ITIH1: variants seen among roughly 807,000 people sequenced by gnomAD.
The protein encoded by ITIH1 is inter-alpha-trypsin inhibitor heavy chain 1.
A neutral mutation model predicts 104.6 loss-of-function variants in ITIH1; 94 were observed. That is an observed-to-expected ratio of 0.90 (90% confidence interval 0.76 to 1.07). ITIH1 has a LOEUF of 1.07. Ranked by LOEUF, ITIH1 falls within the 50% of genes least tolerant of loss-of-function variation. The pLI, the probability that ITIH1 is intolerant of heterozygous loss-of-function variation, is 0.00. For missense variants in ITIH1, 1,193 were observed against 1,181.4 expected (o/e 1.01, Z -0.14); for synonymous variants, 455 against 464.4 (o/e 0.98, Z 0.26).
Position 52,791,921 on chromosome 3 carries a change from C to T in ITIH1, c.*10C>T. The T allele has an allele frequency of 6.2e-7, 1 of 1,607,324 alleles. No homozygotes were observed. Among genetic ancestry groups the T allele is most frequent in the Non-Finnish European group, 8.5e-7 (1 of 1,176,010 alleles). The stretch of plus-strand genomic sequence containing the variant: ...CCCCGACATCTTCTGAGCCCTCTGG[C>T]CAGCACGCCTGTCCTCCCCCGGGGC... On this transcript the variant is annotated 3_prime_UTR_variant, in exon 22 of 22. Transcript: ENST00000273283.
rs372463565 is a variant in ITIH1, at chr3:52,786,350, T to C, written c.1649T>C (p.Leu550Pro). 6.3e-7 allele frequency: 1 copy of C among 1,576,104 alleles called. No homozygotes were observed. ...CLVDEEEMKKLLRERGHMLEN... is the reference protein window; with the variant it reads ...CLVDEEEMKKPLRERGHMLEN... ...GTGGATGAGGAGGAGATGAAGAAAC[T>C]GCTCCGAGAGCGTGGCCACATGCTG... Residue 550 changes from leucine (L) to proline (P), a missense_variant, in exon 13 of 22, where the codon CTG (leucine) becomes CCG (proline). Coordinates refer to ENST00000273283, the MANE Select transcript of ITIH1 (RefSeq NM_002215.4).
Position 52,784,327 on chromosome 3 carries a change from C to G in ITIH1, c.1257C>G (p.Asn419Lys), listed in dbSNP as rs749790902. 6.2e-7 allele frequency: 1 copy of G among 1,614,002 alleles called. No homozygotes were observed. The highest frequency in any genetic ancestry group is 8.5e-7 in the Non-Finnish European group (1 of 1,179,934). ...CGGACCGTTCCCAAATCCTCAAGAA[C>G]GTCCGCAACGCCATCCGGGGCAGGT... ...GVTDRSQILK[N>K]VRNAIRGRFP... is the part of the protein sequence containing the mutation. The change falls in exon 11 of 22, where the codon AAC (asparagine) becomes AAG (lysine). Residue 419 changes from asparagine (N) to lysine (K), a missense_variant. Transcript: ENST00000273283.
chr3:52,785,356 C>T (rs903575339), intron 12 of ITIH1, 127 bp downstream of exon 12: 7 of 862,876 alleles, frequency 8.1e-6, no homozygotes, highest in Non-Finnish European at 1.1e-5. Context: ...CTCATCCCCA[C>T]CATGCCACAT....
rs754665677 is a variant in ITIH1 at position 52,791,937 on chromosome 3, C to T, written c.*26C>T. The T allele has an allele frequency of 1.3e-6, 2 of 1,597,412 alleles. No homozygotes were observed. The highest frequency in any genetic ancestry group is 1.7e-4 in the Middle Eastern group (1 of 5,868). On this transcript the variant is annotated 3_prime_UTR_variant, in exon 22 of 22. Transcript: ENST00000273283. ...GCCCTCTGGCCAGCACGCCTGTCCT[C>T]CCCCGGGGCCAAGGCAGAGGAGGAG...
chr3:52,784,185 G>A (rs1699138162), intron 10 of ITIH1, 111 bp from the exon 11 acceptor site: 3 of 929,140 alleles, frequency 3.2e-6, no homozygotes, highest in Non-Finnish European at 3.2e-6. Context: ...GGAGCCTGGA[G>A]ATGCTCTGAG....
chr3:52,788,803 C>T (rs565406732), intron 18 of ITIH1, among the ~76,000 whole-genome samples: 2 of 152,236 alleles, frequency 1.3e-5, no homozygotes, highest in African/African-American at 4.8e-5. Context: ...TCAGGTGATC[C>T]GTCCACCTCG....
intron 20 of ITIH1, among the ~76,000 whole-genome samples, 157 bp from the exon 21 acceptor site, chr3:52,791,360 A>G (rs918238128): frequency 2.6e-5 from 4 of 152,118 alleles, no homozygotes; most frequent in African/African-American, 9.7e-5. Context: ...AAGTGAACCA[A>G]AGGTAGCTTT....
At chr3:52,787,665 C>T (rs1283369464) in intron 16 of ITIH1, 53 bp downstream of exon 16, 1 of 1,591,070 alleles carries the variant, frequency 6.3e-7, no homozygotes, top group Non-Finnish European at 8.6e-7. Context: ...TTGATGATCA[C>T]CCCGTTGGCT....
intron 8 of ITIH1, among the ~76,000 whole-genome samples, chr3:52,782,675 G>C (rs1699094384): frequency 6.6e-6 from 1 of 152,180 alleles, no homozygotes; most frequent in Non-Finnish European, 1.5e-5. Context: ...GCTGGACAAG[G>C]AGTATTCTAG....
chr3:52,786,840 G>A, intron 13 of ITIH1, 105 bp from the exon 14 acceptor site: 4 of 347,458 alleles, frequency 1.2e-5, no homozygotes, highest in Non-Finnish European at 1.2e-5. Context: ...CTTATGTGTC[G>A]AATGAATGAA....
At position 52,779,686 on chromosome 3, in the gene ITIH1, C is replaced by A. The variant is rs142915173; in HGVS notation, c.573+92C>A. On this transcript the variant is annotated intron_variant, in intron 5 of 21. Coordinates refer to ENST00000273283, the MANE Select transcript of ITIH1 (RefSeq NM_002215.4). The surrounding 1 kb of genome is among the most constrained non-coding windows in gnomAD (Gnocchi z 4.4). ...TGAGCACCCACCATGTGTCACCACC[C>A]AGGCCTGAGAACACAGGGATGGGGA... The A allele has an allele frequency of 1.4e-6, 2 of 1,457,672 alleles. No individual in the cohort carries two copies. Among genetic ancestry groups the A allele is most frequent in the Non-Finnish European group, 1.9e-6 (2 of 1,039,872 alleles). The allele number at this position is 1,457,672 out of a possible 1,614,324, so 90.3% of individuals were successfully genotyped here.
intron 20 of ITIH1, 60 bp from the exon 21 acceptor site, chr3:52,791,457 A>T: frequency 7.3e-7 from 1 of 1,368,060 alleles, no homozygotes; most frequent in Non-Finnish European, 1.0e-6. Context: ...GCACCTGCTG[A>T]GTGCAGGGCA....
In ITIH1 at chr3:52,785,173, G is replaced by A. The variant is rs201320586; in HGVS notation, c.1537G>A (p.Gly513Arg). Residue 513 changes from glycine to arginine, a missense_variant, in exon 12 of 22, where the codon GGG (glycine) becomes AGG (arginine). Gly to Arg is a moderately radical substitution (Grantham distance 125). Transcript: ENST00000273283. Reference protein sequence around the residue: ...YYEGSEIVVAGRIADNKQSSF... With the variant: ...YYEGSEIVVARRIADNKQSSF... The stretch of plus-strand genomic sequence containing the variant: ...CGAAGGCTCAGAGATTGTGGTGGCC[G>A]GGCGCATTGCTGACAACAAACAGAG... 2.0e-4 allele frequency: 318 copies of A among 1,613,998 alleles called. No homozygotes were observed. Among genetic ancestry groups the A allele is most frequent in the Middle Eastern group, 1.6e-4 (1 of 6,082 alleles).
At position 52,778,946 on chromosome 3, in the gene ITIH1, G is replaced by A; in HGVS notation, c.310G>A (p.Ala104Thr). The A allele has an allele frequency of 5.6e-6, 9 of 1,611,106 alleles. No individual in the cohort carries two copies. The highest frequency in any genetic ancestry group is 7.6e-6 in the Non-Finnish European group (9 of 1,177,196). Residue 104 changes from alanine to threonine, a missense_variant, in exon 4 of 22, where the codon GCA becomes ACA. Ala to Thr is a moderately conservative substitution (Grantham distance 58). Coordinates refer to ENST00000273283, the MANE Select transcript of ITIH1 (RefSeq NM_002215.4). ...TAFISDFAVT[A>T]DGNAFIGDIK... Reference sequence around the variant, plus strand: ...GGTGTCCTTCCCTCCCTGCAGTACAGCAGATGGAAACGCATTTATCGGAGA... The same window carrying A: ...GGTGTCCTTCCCTCCCTGCAGTACAACAGATGGAAACGCATTTATCGGAGA...
chr3:52,777,791 C>T (rs1172916515), intron 1 of ITIH1, 59 bp downstream of exon 1: 17 of 1,473,870 alleles, frequency 1.2e-5, no homozygotes, highest in Admixed American at 1.8e-5. Flanking sequence ...AGGCCCCGGG[C>T]GGGACACAAG....
At position 52,778,385 on chromosome 3, in the gene ITIH1, G is replaced by T; in HGVS notation, c.184G>T (p.Val62Phe). The T allele has an allele frequency of 1.2e-6, 2 of 1,614,248 alleles. No homozygotes were observed. Among genetic ancestry groups the T allele is most frequent in the Non-Finnish European group, 1.7e-6 (2 of 1,180,042 alleles). ...FIRSLKVNCKVTSRFAHYVVT... is the reference protein window; with the variant it reads ...FIRSLKVNCKFTSRFAHYVVT... ...CCGGAGTTTGAAAGTCAACTGCAAAGTCACCTCTCGCTTCGCCCACTATGT... is the reference window on the plus strand; with the variant it reads ...CCGGAGTTTGAAAGTCAACTGCAAATTCACCTCTCGCTTCGCCCACTATGT... Residue 62 changes from valine to phenylalanine, a missense_variant, in exon 3 of 22, where the codon GTC becomes TTC. Coordinates refer to ENST00000273283, the MANE Select transcript of ITIH1 (RefSeq NM_002215.4).
rs747646996 is a variant in ITIH1 at position 52,785,147 on chromosome 3, A to G, written c.1511A>G (p.Tyr504Cys). The G allele has an allele frequency of 4.0e-5, 65 of 1,613,974 alleles. No homozygotes were observed. Among genetic ancestry groups the G allele is most frequent in the East Asian group, 6.7e-5 (3 of 44,880 alleles). Residue 504 changes from tyrosine (Y) to cysteine (C), a missense_variant, in exon 12 of 22, where the codon TAC (tyrosine) becomes TGC (cysteine). By Grantham distance (194) the Tyr-to-Cys change is radical. Transcript: ENST00000273283. The stretch of plus-strand genomic sequence containing the variant: ...ACCCAGAACCACCATAAACAGTACT[A>G]CGAAGGCTCAGAGATTGTGGTGGCC... ...ALTQNHHKQY[Y>C]EGSEIVVAGR... is the part of the protein sequence containing the mutation.
At position 52,788,317 on chromosome 3, in the gene ITIH1, C is replaced by T. The variant is rs750229727; in HGVS notation, c.2091C>T (p.Ile697=). ...CFNINEEPGV[I]LSLVQDPNTG... The stretch of plus-strand genomic sequence containing the variant: ...ACATCAATGAGGAGCCTGGTGTTAT[C>T]CTGAGCCTGGTACAGGACCCCAACA... The change falls in exon 18 of 22, where the codon ATC becomes ATT. Residue 697 remains isoleucine, a synonymous_variant. Transcript: ENST00000273283. 1.2e-6 allele frequency: 2 copies of T among 1,608,650 alleles called. No homozygotes were observed. Among genetic ancestry groups the T allele is most frequent in the Non-Finnish European group, 1.7e-6 (2 of 1,177,414 alleles).
chr3:52,784,465 C>T lies in ITIH1; in HGVS notation c.1395C>T (p.Thr465=). 2 of 1,613,896 alleles carry T rather than the reference C, an allele frequency of 1.2e-6. No individual in the cohort carries two copies. The highest frequency in any genetic ancestry group is 8.5e-7 in the Non-Finnish European group (1 of 1,179,844). The part of the protein sequence containing the change: ...AQRIYEDHDA[T]QQLQGFYSQV... Reference sequence around the variant, plus strand: ...GAATCTACGAGGACCATGATGCCACCCAGCAGCTGCAGGTCTCCCCTCACA... The same window carrying T: ...GAATCTACGAGGACCATGATGCCACTCAGCAGCTGCAGGTCTCCCCTCACA... The change falls in exon 11 of 22, where the codon ACC becomes ACT. Residue 465 remains threonine, a synonymous_variant. Coordinates refer to ENST00000273283, the MANE Select transcript of ITIH1 (RefSeq NM_002215.4).
Sources: allele counts gnomAD v4.1 joint callset (sites outside exome capture counted in the v4.1 genomes callset), GRCh38; gene constraint gnomAD v4.1.1; non-coding constraint Gnocchi (gnomAD v3.1); transcripts MANE v1.5; gene names NCBI Gene and HGNC (gene_info 2026-07-23, HGNC 2026-07-21).